NTM: variants seen among roughly 807,000 people sequenced by gnomAD.
NTM encodes IgLON family member 2.
A neutral mutation model predicts 42.1 loss-of-function variants in NTM; 13 were observed. That is an observed-to-expected ratio of 0.31 (90% CI 0.20 to 0.49). The LOEUF is 0.49. Ranked by LOEUF, NTM falls within the 20% of genes least tolerant of loss-of-function variation. The pLI is 0.99. For missense variants in NTM, 373 were observed against 452.8 expected, an observed-to-expected ratio of 0.82 and a Z score of 1.60; for synonymous variants, 187 against 179.2, an observed-to-expected ratio of 1.04 and a Z score of -0.35.
At chr11:131,734,697 T>A (rs146078273) in intron 1 of NTM, among the ~76,000 whole-genome samples, 1 of 152,202 alleles carries the variant, frequency 6.6e-6, no homozygotes, top group East Asian at 1.9e-4. Flanking sequence ...CCAAGATGAG[T>A]GAGTATCCAA....
At chr11:131,614,498 A>G (rs928746505) in intron 1 of NTM, among the ~76,000 whole-genome samples, 3 of 152,166 alleles carry the variant, frequency 2.0e-5, no homozygotes, top group African/African-American at 7.2e-5. Flanking sequence ...ATGATCTGCA[A>G]AGCTGTGAGG....
chr11:131,789,926 A>T (rs190125582), intron 1 of NTM, among the ~76,000 whole-genome samples: 1 of 135,550 alleles, frequency 7.4e-6, no homozygotes, highest in Non-Finnish European at 1.5e-5. Context: ...ACTGCACTCC[A>T]GCCTGGGCGA....
At chr11:131,597,807 T>C (rs2059945586) in intron 1 of NTM, among the ~76,000 whole-genome samples, 1 of 152,236 alleles carries the variant, frequency 6.6e-6, no homozygotes, top group Non-Finnish European at 1.5e-5. Flanking sequence ...AGCTCCTTGT[T>C]ATCTTTATTA....
rs146787962 is a variant in NTM at position 131,745,477 on chromosome 11, G to A, written c.83-166087G>A. 1.1e-3 allele frequency among the ~76,000 whole-genome samples: 165 copies of A among 152,220 alleles called. 2 individuals carry two copies. The East Asian group carries it at 0.026, about 24-fold the overall frequency. ...TCAGAATCGCTATTTTTGCTTGATC[G>A]GAGCCTTTTCCCTGGCTTAGTACAG... On this transcript the variant is annotated intron_variant, in intron 1 of 8. Coordinates refer to ENST00000683400, the MANE Select transcript of NTM (RefSeq NM_001352005.2).
intron 1 of NTM, among the ~76,000 whole-genome samples, chr11:131,797,609 A>G (rs1412722406): frequency 6.6e-6 from 1 of 152,236 alleles, no homozygotes; most frequent in Non-Finnish European, 1.5e-5. Flanking sequence ...AATATTGAAA[A>G]GTAATCACAC....
chr11:131,473,437 C>T (rs1469336015), intron 1 of NTM, among the ~76,000 whole-genome samples: 1 of 152,172 alleles, frequency 6.6e-6, no homozygotes, highest in African/African-American at 2.4e-5. Context: ...CAAACTCATG[C>T]ATTTTTTTAA....
intron 1 of NTM, among the ~76,000 whole-genome samples, chr11:131,443,224 A>T (rs1223772856): frequency 6.6e-6 from 1 of 152,190 alleles, no homozygotes; most frequent in Non-Finnish European, 1.5e-5. Context: ...GTGGTAGAGC[A>T]CTGGAAAGAA....
At chr11:131,408,199 A>G (rs758268751) in intron 1 of NTM, among the ~76,000 whole-genome samples, 33 of 152,168 alleles carry the variant, frequency 2.2e-4, no homozygotes, top group Non-Finnish European at 4.4e-4. Flanking sequence ...AGGAATGGCC[A>G]ACACCCTCCC....
chr11:131,430,216 G>A (rs1295936894), intron 1 of NTM, among the ~76,000 whole-genome samples: 1 of 152,170 alleles, frequency 6.6e-6, no homozygotes, highest in Non-Finnish European at 1.5e-5. Flanking sequence ...AATACAACAT[G>A]CTTAAGGCAT....
chr11:131,888,076 G>T (rs925780997), intron 1 of NTM, among the ~76,000 whole-genome samples: 3 of 152,116 alleles, frequency 2.0e-5, no homozygotes, highest in African/African-American at 7.2e-5. Flanking sequence ...CAAGCTGGGT[G>T]GATAACCTGA....
chr11:131,970,752 AG>A (rs2063422820), intron 2 of NTM, among the ~76,000 whole-genome samples: 1 of 152,150 alleles, frequency 6.6e-6, no homozygotes, highest in African/African-American at 2.4e-5. Flanking sequence ...CTGAGGGTTG[AG>A]TTAATCACAT....
chr11:131,442,751 T>C (rs1949720160), intron 1 of NTM, among the ~76,000 whole-genome samples: 1 of 152,150 alleles, frequency 6.6e-6, no homozygotes, highest in South Asian at 2.1e-4. Flanking sequence ...GGACATAATT[T>C]CATCGTTTTA....
rs60741014 is a variant in NTM, at chr11:131,987,378, C to CCTATTCTATTCTATTCTATT, written c.167+75766_167+75785dup. 1.9e-3 allele frequency among the ~76,000 whole-genome samples: 274 copies of CCTATTCTATTCTATTCTATT among 147,914 alleles called. 1 individual carries two copies. Among genetic ancestry groups the CCTATTCTATTCTATTCTATT allele is most frequent in the African/African-American group, 3.7e-3 (149 of 39,756 alleles). ...AAACATGTTATTCTGTCCTATTCCT[C>CCTATTCTATTCTATTCTATT]CTATTCTATTCTATTCTATTCTATT... On this transcript the variant is annotated intron_variant, in intron 2 of 8. Transcript: ENST00000683400.
At chr11:131,789,939 G>C (rs1248117539) in intron 1 of NTM, among the ~76,000 whole-genome samples, 5 of 114,642 alleles carry the variant, frequency 4.4e-5, no homozygotes, top group African/African-American at 1.8e-4. Flanking sequence ...CTGGGCGACA[G>C]AGCGAGACTC....
intron 4 of NTM, among the ~76,000 whole-genome samples, chr11:132,271,719 G>A (rs2093487794): frequency 6.8e-6 from 1 of 147,904 alleles, no homozygotes. Context: ...TAGAACTTTA[G>A]CCCATTTTTA....
chr11:132,284,224 G>A (rs2094130764), intron 4 of NTM: 1 of 152,266 alleles, frequency 6.6e-6, no homozygotes, highest in South Asian at 2.1e-4. Context: ...TAGCGCTGAG[G>A]TAACAAAGTA....
chr11:132,223,826 G>A (rs1023408725), intron 4 of NTM, among the ~76,000 whole-genome samples: 7 of 152,208 alleles, frequency 4.6e-5, no homozygotes, highest in Non-Finnish European at 7.3e-5. Context: ...CAGGCCAATG[G>A]CGGGGGTAGC....
chr11:132,265,840 T>TGAAGCACAGGCAGAGA (rs1164109870), intron 4 of NTM, among the ~76,000 whole-genome samples: 1 of 152,218 alleles, frequency 6.6e-6, no homozygotes, highest in African/African-American at 2.4e-5. Flanking sequence ...ATGAGAAAAC[T>TGAAGCACAGGCAGAGA]GAAGCACAGG....
intron 1 of NTM, among the ~76,000 whole-genome samples, chr11:131,547,431 G>A (rs1027753205): frequency 6.6e-6 from 1 of 152,210 alleles, no homozygotes; most frequent in African/African-American, 2.4e-5. Flanking sequence ...GTCTTGCACG[G>A]GAAGAGACTT....
Sources: gnomAD v4.1 joint callset for allele counts (sites outside exome capture counted in the v4.1 genomes callset) on GRCh38, gnomAD v4.1.1 for gene constraint, MANE v1.5 for transcripts, NCBI Gene and HGNC (gene_info 2026-07-23, HGNC 2026-07-21) for gene names.